The following ZNF804B variants were observed in gnomAD, a reference collection of about 807,000 sequenced individuals.
ZNF804B encodes zinc finger 804B.
Under a neutral mutation model 101.4 loss-of-function variants are expected in ZNF804B, and 80 were observed. That is an observed-to-expected ratio of 0.79 (90% CI 0.66 to 0.95). The LOEUF (loss-of-function observed/expected upper bound fraction) is 0.95. Ranked by LOEUF, ZNF804B falls within the 40% of genes least tolerant of loss-of-function variation. The pLI, the probability that ZNF804B is intolerant of heterozygous loss-of-function variation, is 0.00. For missense variants in ZNF804B, 1,673 were observed against 1,561.9 expected (o/e 1.07, Z -1.20); for synonymous variants, 622 against 558.8 (o/e 1.11, Z -1.59).
intron 1 of ZNF804B, among the ~76,000 whole-genome samples, chr7:89,185,407 A>T (rs1443523863): frequency 6.6e-6 from 1 of 152,192 alleles, no homozygotes. Context: ...CCTATAAAAC[A>T]GTGGGAACAG....
chr7:89,286,293 A>C (rs1488417841), intron 2 of ZNF804B, among the ~76,000 whole-genome samples: 2 of 152,190 alleles, frequency 1.3e-5, no homozygotes, highest in African/African-American at 4.8e-5. Context: ...AGAAAAGAAG[A>C]AGAAGAAGAA....
intron 1 of ZNF804B, among the ~76,000 whole-genome samples, chr7:89,053,504 A>C (rs117914308): frequency 0.016 from 2,407 of 152,224 alleles, 27 homozygotes; most frequent in Middle Eastern, 0.054. Context: ...CATTAAAAGT[A>C]AACTAATTTG....
At chr7:89,000,009 A>G (rs918201383) in intron 1 of ZNF804B, among the ~76,000 whole-genome samples, 1 of 151,986 alleles carries the variant, frequency 6.6e-6, no homozygotes, top group African/African-American at 2.4e-5. Context: ...TTCCTTGAGT[A>G]AAAATGATAA....
intron 1 of ZNF804B, among the ~76,000 whole-genome samples, chr7:89,042,033 A>G (rs1435056994): frequency 1.3e-5 from 2 of 152,194 alleles, no homozygotes; most frequent in Non-Finnish European, 2.9e-5. Context: ...TCAAAGTGTT[A>G]TAACAGATCA....
chr7:89,201,339 T>A (rs1343691478), intron 1 of ZNF804B, among the ~76,000 whole-genome samples: 1 of 152,056 alleles, frequency 6.6e-6, no homozygotes, highest in Non-Finnish European at 1.5e-5. Context: ...AATCAATTTT[T>A]AAAATCACTT....
intron 1 of ZNF804B, among the ~76,000 whole-genome samples, chr7:88,883,880 A>G (rs1440133583): frequency 6.6e-6 from 1 of 152,096 alleles, no homozygotes; most frequent in Admixed American, 6.6e-5. Context: ...TTATCAAACT[A>G]CATCTATTTC....
intron 1 of ZNF804B, among the ~76,000 whole-genome samples, chr7:88,908,888 C>A (rs1792509738): frequency 6.6e-6 from 1 of 151,482 alleles, no homozygotes; most frequent in Middle Eastern, 3.2e-3. Flanking sequence ...TTTATTTTTT[C>A]TAAGAAATGA....
chr7:88,776,641 A>AT (rs143774520), intron 1 of ZNF804B, among the ~76,000 whole-genome samples: 7,435 of 134,242 alleles, frequency 0.055, 376 homozygotes, highest in East Asian at 0.29. Context: ...AAGTGGAAGG[A>AT]TTTTTTCTCT....
chr7:89,051,455 T>G (rs1230278697), intron 1 of ZNF804B, among the ~76,000 whole-genome samples: 1 of 152,164 alleles, frequency 6.6e-6, no homozygotes, highest in South Asian at 2.1e-4. Context: ...TATCAAGTGC[T>G]GGATTTTATT....
In ZNF804B at chr7:88,941,961, T is replaced by A. The variant is rs143585456; in HGVS notation, c.108+181877T>A. 1.7e-4 allele frequency among the ~76,000 whole-genome samples: 26 copies of A among 152,074 alleles called. No homozygotes were observed. In the East Asian group the frequency reaches 5.1e-3, roughly 30 times the overall value. ...CTTGGGCCCTGAAGTCCCTTAGAGT[T>A]TCCTTATGTTTATTTTATAGACAAT... On this transcript the variant is annotated intron_variant, in intron 1 of 3. Transcript: ENST00000333190.
chr7:88,954,494 T>C (rs1380793225), intron 1 of ZNF804B, among the ~76,000 whole-genome samples: 1 of 151,614 alleles, frequency 6.6e-6, no homozygotes, highest in East Asian at 2.0e-4. Context: ...AGTTAAATGT[T>C]ACGTTTTATC....
chr7:89,162,637 G>A (rs574443502), intron 1 of ZNF804B, among the ~76,000 whole-genome samples: 87 of 145,850 alleles, frequency 6.0e-4, no homozygotes, highest in African/African-American at 2.0e-3. Context: ...TATATTTATG[G>A]GCTTTAAATA....
chr7:89,202,726 A>C (rs1788661956), intron 1 of ZNF804B, among the ~76,000 whole-genome samples: 1 of 152,148 alleles, frequency 6.6e-6, no homozygotes. Flanking sequence ...TCTCAAAGAC[A>C]GGAGTCAGGA....
intron 1 of ZNF804B, among the ~76,000 whole-genome samples, chr7:88,853,347 A>G (rs1791473362): frequency 6.6e-6 from 1 of 152,102 alleles, no homozygotes; most frequent in Non-Finnish European, 1.5e-5. Flanking sequence ...CAGAAGAAAT[A>G]TGTAAAGGAT....
chr7:89,177,109 T>G (rs1211996294), intron 1 of ZNF804B, among the ~76,000 whole-genome samples: 1 of 152,170 alleles, frequency 6.6e-6, no homozygotes, highest in African/African-American at 2.4e-5. Context: ...TTTGTATTTT[T>G]TGTTCGAATT....
intron 1 of ZNF804B, among the ~76,000 whole-genome samples, chr7:88,985,071 T>C (rs374173674): frequency 2.4e-4 from 37 of 152,202 alleles, no homozygotes; most frequent in Middle Eastern, 6.8e-3. Flanking sequence ...TAAGGTCTTA[T>C]GATAGTAAAA....
chr7:88,997,134 A>G (rs1168983905), intron 1 of ZNF804B, among the ~76,000 whole-genome samples: 1 of 152,142 alleles, frequency 6.6e-6, no homozygotes, highest in Non-Finnish European at 1.5e-5. Context: ...GTTCCAAACT[A>G]TGAATAAAGT....
chr7:88,859,644 A>G (rs2115852968), intron 1 of ZNF804B, among the ~76,000 whole-genome samples: 1 of 152,186 alleles, frequency 6.6e-6, no homozygotes, highest in Non-Finnish European at 1.5e-5. Flanking sequence ...AAGATAATTT[A>G]TAAATAATCA....
At chr7:88,768,588 C>T (rs71572429) in intron 1 of ZNF804B, among the ~76,000 whole-genome samples, 9,809 of 152,078 alleles carry the variant, frequency 0.064, 486 homozygotes, top group East Asian at 0.17. Flanking sequence ...CATGGTGGCA[C>T]GAGCCTGTAA....
Sources: gnomAD v4.1 joint callset for allele counts (sites outside exome capture counted in the v4.1 genomes callset) on GRCh38, gnomAD v4.1.1 for gene constraint, MANE v1.5 for transcripts, NCBI Gene and HGNC (gene_info 2026-07-23, HGNC 2026-07-21) for gene names.